The following ITGB8 variants were observed in gnomAD, a reference collection of about 807,000 sequenced individuals.
ITGB8 encodes integrin subunit beta 8, also known as integrin beta-8.
In ITGB8, 30 loss-of-function variants were observed where a neutral mutation model predicts 89.5. The ratio of observed to expected loss-of-function variants is 0.34; its 90% CI spans 0.25 to 0.45. ITGB8 has a LOEUF of 0.45. Ranked by LOEUF, ITGB8 falls within the 20% of genes least tolerant of loss-of-function variation. The probability of loss-of-function intolerance (pLI) is 1.00; values close to 1 mark genes in which losing one functional copy is unlikely to be tolerated. For synonymous variants in ITGB8, 335 were observed against 320.4 expected, an observed-to-expected ratio of 1.05 and a Z score of -0.49; for missense variants, 836 against 933.3, an observed-to-expected ratio of 0.90 and a Z score of 1.36.
chr7:20,369,476 C>G (rs1000533530), intron 3 of ITGB8, among the ~76,000 whole-genome samples: 1 of 152,098 alleles, frequency 6.6e-6, no homozygotes, highest in Non-Finnish European at 1.5e-5. Flanking sequence ...AGAGTGAAAG[C>G]TCTCCAGTAT....
At chr7:20,397,626 A>G (rs185651859) in intron 8 of ITGB8, among the ~76,000 whole-genome samples, 65 of 152,324 alleles carry the variant, frequency 4.3e-4, no homozygotes, top group African/African-American at 1.5e-3. Context: ...ACATATGAAC[A>G]TCTTTGTATA....
chr7:20,359,268 A>G (rs992844355), intron 1 of ITGB8, among the ~76,000 whole-genome samples: 3 of 152,236 alleles, frequency 2.0e-5, no homozygotes, highest in Non-Finnish European at 4.4e-5. Flanking sequence ...AGCACATTAT[A>G]ATACTTCTTC....
chr7:20,334,274 A>G (rs1408201898), intron 1 of ITGB8, among the ~76,000 whole-genome samples: 2 of 152,266 alleles, frequency 1.3e-5, no homozygotes, highest in African/African-American at 2.4e-5. Flanking sequence ...AAAATGGTCA[A>G]TAAATAACCA....
chr7:20,367,716 A>C (rs1785758871), intron 3 of ITGB8, among the ~76,000 whole-genome samples: 2 of 152,166 alleles, frequency 1.3e-5, no homozygotes, highest in African/African-American at 4.8e-5. Flanking sequence ...GCTGCAATTC[A>C]TGATTATCAT....
chr7:20,341,641 C>T (rs771696270), intron 1 of ITGB8, among the ~76,000 whole-genome samples: 27 of 152,210 alleles, frequency 1.8e-4, no homozygotes, highest in African/African-American at 6.0e-4. Context: ...CTCTTGAGCA[C>T]GTGCCTGTGG....
chr7:20,347,884 T>G (rs1784982255), intron 1 of ITGB8, among the ~76,000 whole-genome samples: 1 of 152,168 alleles, frequency 6.6e-6, no homozygotes, highest in African/African-American at 2.4e-5. Context: ...GGGGAGTTGC[T>G]TGAGAATGAG....
chr7:20,402,246 A>G lies in ITGB8; in HGVS notation c.1687+120A>G, dbSNP rs1787343465. 9 of 876,882 alleles carry G rather than the reference A, an allele frequency of 1.0e-5. No homozygotes were observed. In the South Asian group the frequency reaches 1.8e-4, roughly 18 times the overall value. 54.3% of individuals were successfully genotyped at this position (876,882 alleles called of 1,614,324 possible). A position where few individuals can be genotyped will look rare whatever the true frequency, so the allele number is the denominator to read the frequency against. ...AAACTGAATCTGAATTTGTTATTCA[A>G]AGTTTCAAAGTCCATGAAATTAGGG... On this transcript the variant is annotated intron_variant, in intron 10 of 13. Transcript: ENST00000222573.
chr7:20,375,630 T>C (rs754723768), intron 3 of ITGB8, among the ~76,000 whole-genome samples: 20 of 152,206 alleles, frequency 1.3e-4, no homozygotes, highest in African/African-American at 2.4e-4. Flanking sequence ...AAAGTAATCA[T>C]TACCCTTTAT....
chr7:20,381,732 T>A lies in ITGB8; in HGVS notation c.807T>A (p.His269Gln). Residue 269 changes from histidine (H) to glutamine (Q), a missense_variant, in exon 6 of 14, where the codon CAT becomes CAA. This residue lies in a region of ITGB8 where 192 missense variants were observed against 267.1 expected (regional missense o/e 0.72). Transcript: ENST00000222573. ...ATTACATGTTTATTTTTAAGAGTCA[T>A]ATCGGATGGCGAAAAGAGGCTAAAA... is the stretch of plus-strand genomic sequence containing the variant. ...AMLQAAVCES[H>Q]IGWRKEAKRL... 1 of 1,607,266 alleles carries A rather than the reference T, an allele frequency of 6.2e-7. No individual in the cohort carries two copies. Among genetic ancestry groups the A allele is most frequent in the Non-Finnish European group, 8.5e-7 (1 of 1,177,506 alleles).
intron 1 of ITGB8, among the ~76,000 whole-genome samples, chr7:20,335,181 C>T (rs570902774): frequency 1.1e-4 from 17 of 152,080 alleles, no homozygotes; most frequent in Non-Finnish European, 2.1e-4. Context: ...GGAGGAGGAA[C>T]ACACTGTAAC....
At chr7:20,341,115 T>C (rs1784741808) in intron 1 of ITGB8, among the ~76,000 whole-genome samples, 3 of 152,232 alleles carry the variant, frequency 2.0e-5, no homozygotes, top group South Asian at 2.1e-4. Context: ...AACTGCATTG[T>C]TGGCAGCAAA....
intron 1 of ITGB8, among the ~76,000 whole-genome samples, chr7:20,360,775 A>C (rs184460733): frequency 6.6e-6 from 1 of 152,000 alleles, no homozygotes; most frequent in Non-Finnish European, 1.5e-5. Context: ...TTGATTCCAT[A>C]TGTTTGCCAT....
Position 20,363,692 on chromosome 7 carries a change from G to A in ITGB8, c.183G>A (p.Leu61=). The A allele has an allele frequency of 6.2e-6, 10 of 1,605,232 alleles. No homozygotes were observed. Among genetic ancestry groups the A allele is most frequent in the African/African-American group, 1.3e-5 (1 of 74,330 alleles). Residue 61 remains leucine (L), a synonymous_variant, in exon 2 of 14, where the codon CTG becomes CTA. Transcript: ENST00000222573. ...CATCCTGTGCCAGGTGCCTTGCGCT[G>A]GGTCCAGAATGTGGATGGTGTGTTC... ...NAASCARCLA[L]GPECGWCVQE...
At chr7:20,344,601 C>A (rs567796023) in intron 1 of ITGB8, among the ~76,000 whole-genome samples, 33 of 152,266 alleles carry the variant, frequency 2.2e-4, no homozygotes, top group African/African-American at 7.7e-4. Context: ...CAGGGACAAC[C>A]TGTAGGAAAC....
intron 1 of ITGB8, among the ~76,000 whole-genome samples, chr7:20,343,696 T>C (rs1012966125): frequency 6.6e-6 from 1 of 152,240 alleles, no homozygotes; most frequent in Admixed American, 6.5e-5. Flanking sequence ...TTTGACTAAA[T>C]ATTCACCCAT....
chr7:20,357,463 T>G (rs114043635), intron 1 of ITGB8, among the ~76,000 whole-genome samples: 2,618 of 152,328 alleles, frequency 0.017, 69 homozygotes, highest in African/African-American at 0.059. Context: ...TAGAGATTAA[T>G]ATACACATGA....
rs750337028 is a variant in ITGB8, at chr7:20,331,922, T to C, written c.116T>C (p.Leu39Pro). ...TGGGTGTTTTCACTTGTTCTTGGAC[T>C]GGGCCAAGGTGGTAAGTTGTTTTGT... ...AAWVFSLVLG[L>P]GQGEDNRCAS... The change falls in exon 1 of 14, where the codon CTG becomes CCG. Residue 39 changes from leucine (L) to proline (P), a missense_variant. Around this residue, in one of 5 missense-constraint regions of ITGB8, gnomAD observed 182 missense variants for 177.0 expected, o/e 1.03. Coordinates refer to ENST00000222573, the MANE Select transcript of ITGB8 (RefSeq NM_002214.3). The C allele has an allele frequency of 4.0e-5, 64 of 1,614,090 alleles. No individual in the cohort carries two copies. Among genetic ancestry groups the C allele is most frequent in the Non-Finnish European group, 5.1e-5 (60 of 1,180,030 alleles).
intron 1 of ITGB8, among the ~76,000 whole-genome samples, chr7:20,342,324 T>C (rs1385406486): frequency 6.6e-6 from 1 of 152,156 alleles, no homozygotes; most frequent in Non-Finnish European, 1.5e-5. Context: ...CCAAGAAATA[T>C]AGAATTACCT....
intron 1 of ITGB8, among the ~76,000 whole-genome samples, chr7:20,343,180 G>C (rs1306569207): frequency 6.6e-6 from 1 of 152,212 alleles, no homozygotes; most frequent in Non-Finnish European, 1.5e-5. Context: ...GATATTGGCA[G>C]ACAATTTCAT....
Sources: gnomAD v4.1 joint callset for allele counts (sites outside exome capture counted in the v4.1 genomes callset) on GRCh38, gnomAD v4.1.1 for gene constraint, gnomAD v4.1.1 regional missense constraint, MANE v1.5 for transcripts, NCBI Gene and HGNC (gene_info 2026-07-23, HGNC 2026-07-21) for gene names.